VWA3B: variants seen among roughly 807,000 people sequenced by gnomAD.
The protein encoded by VWA3B is von Willebrand factor A domain-containing protein 3B.
Under a neutral mutation model 158.3 loss-of-function variants are expected in VWA3B, and 138 were observed. The observed-to-expected ratio is 0.87, with a 90% CI of 0.76 to 1.00. VWA3B has a LOEUF of 1.00. VWA3B is among the 50% of genes least tolerant of loss of function. VWA3B has a pLI of 0.00. For synonymous variants in VWA3B, 596 were observed against 587.3 expected (o/e 1.01, Z -0.21); for missense variants, 1,555 against 1,565.1 (o/e 0.99, Z 0.11).
chr2:98,140,486 C>T (rs1199405669), intron 7 of VWA3B, among the ~76,000 whole-genome samples: 3 of 152,180 alleles, frequency 2.0e-5, no homozygotes, highest in African/African-American at 4.8e-5. Flanking sequence ...TGGCTGGATC[C>T]CTGCCCCTGT....
At chr2:98,308,459 A>G (rs1297555103) in intron 26 of VWA3B, among the ~76,000 whole-genome samples, 1 of 152,116 alleles carries the variant, frequency 6.6e-6, no homozygotes, top group African/African-American at 2.4e-5. Flanking sequence ...TTGAGAACAT[A>G]TGTGTAGTTT....
At chr2:98,110,517 T>C (rs1399264931) in intron 2 of VWA3B, among the ~76,000 whole-genome samples, 1 of 152,238 alleles carries the variant, frequency 6.6e-6, no homozygotes, top group African/African-American at 2.4e-5. Context: ...TTGTCAGTTG[T>C]CTTTTTTTAT....
intron 21 of VWA3B, among the ~76,000 whole-genome samples, chr2:98,258,777 T>C (rs1687307783): frequency 6.6e-6 from 1 of 151,868 alleles, no homozygotes; most frequent in South Asian, 2.1e-4. Flanking sequence ...CATCTGCAAG[T>C]AGAAATAATT....
chr2:98,266,259 A>C (rs988169995), intron 21 of VWA3B, among the ~76,000 whole-genome samples: 1 of 152,090 alleles, frequency 6.6e-6, no homozygotes, highest in African/African-American at 2.4e-5. Context: ...AGCTTTCTAC[A>C]TATGGCTTAG....
intron 12 of VWA3B, among the ~76,000 whole-genome samples, chr2:98,209,319 C>T (rs748365678): frequency 3.3e-5 from 5 of 152,130 alleles, no homozygotes; most frequent in Non-Finnish European, 7.4e-5. Context: ...CTTGTACTGT[C>T]GCCCAGGCTA....
In VWA3B at chr2:98,168,362, CT is replaced by C. The variant is rs1168167959; in HGVS notation, c.1114+5387del. Among the ~76,000 whole-genome samples, 7 of 133,480 alleles carry C rather than the reference CT, an allele frequency of 5.2e-5. No individual in the cohort carries two copies. In the East Asian group the frequency reaches 1.6e-3, roughly 30 times the overall value. 87.6% of individuals were successfully genotyped at this position (133,480 alleles called of 152,430 possible). On this transcript the variant is annotated intron_variant, in intron 8 of 27. Transcript: ENST00000477737. ...ATGTATCAGTTCCCTTTGTTTCAAT[CT>C]AATACACACACATACACACACACAC...
In VWA3B at chr2:98,093,151, G is replaced by T. The variant is rs767894805; in HGVS notation, c.59G>T (p.Gly20Val). Residue 20 changes from glycine to valine, a missense_variant, in exon 2 of 28, where the codon GGA becomes GTA. By Grantham distance (109) the Gly-to-Val change is moderately radical. Transcript: ENST00000477737. The part of the protein sequence containing the change: ...ISEQQLQRQE[G>V]WINTKTDLAE... ...GAGCAGCAGCTGCAGAGGCAAGAGGGATGGATTAACACCAAAACAGACTTG... is the reference window on the plus strand; with the variant it reads ...GAGCAGCAGCTGCAGAGGCAAGAGGTATGGATTAACACCAAAACAGACTTG... 2.4e-5 allele frequency: 39 copies of T among 1,613,984 alleles called. No homozygotes were observed. Among genetic ancestry groups the T allele is most frequent in the Middle Eastern group, 3.3e-4 (2 of 6,084 alleles).
chr2:98,284,806 A>G (rs1260091634), intron 22 of VWA3B, among the ~76,000 whole-genome samples: 1 of 152,216 alleles, frequency 6.6e-6, no homozygotes, highest in Non-Finnish European at 1.5e-5. Flanking sequence ...AAGAATTATA[A>G]TAAGTTTATG....
intron 5 of VWA3B, among the ~76,000 whole-genome samples, chr2:98,123,172 T>C (rs576233469): frequency 6.3e-4 from 96 of 152,340 alleles, no homozygotes; most frequent in Non-Finnish European, 7.5e-4. Context: ...TCTGAATTCA[T>C]CCAGATGGCT....
At position 98,119,766 on chromosome 2, in the gene VWA3B, G is replaced by C. The variant is rs1674812449; in HGVS notation, c.542+3G>C. On this transcript the variant is annotated splice_donor_region_variant and intron_variant, in intron 4 of 27. Coordinates refer to ENST00000477737, the MANE Select transcript of VWA3B (RefSeq NM_144992.5). ...ATAACCGAGTTCAATATCATACGGT[G>C]AGTTCCCATAGGAAGGGAGTATTTT... The C allele has an allele frequency of 6.2e-7, 1 of 1,613,052 alleles. No homozygotes were observed. Among genetic ancestry groups the C allele is most frequent in the African/African-American group, 1.3e-5 (1 of 75,026 alleles).
At chr2:98,165,167 A>G (rs1434944260) in intron 8 of VWA3B, among the ~76,000 whole-genome samples, 1 of 152,214 alleles carries the variant, frequency 6.6e-6, no homozygotes, top group Non-Finnish European at 1.5e-5. Context: ...CACCTGGTGG[A>G]CGCACATACC....
intron 13 of VWA3B, among the ~76,000 whole-genome samples, chr2:98,215,809 C>T (rs894950231): frequency 6.6e-6 from 1 of 152,182 alleles, no homozygotes; most frequent in African/African-American, 2.4e-5. Flanking sequence ...AGCCACCGCG[C>T]CCAGCCAATT....
At chr2:98,105,272 A>G (rs1683357111) in intron 2 of VWA3B, among the ~76,000 whole-genome samples, 1 of 152,192 alleles carries the variant, frequency 6.6e-6, no homozygotes, top group Non-Finnish European at 1.5e-5. Flanking sequence ...ATCCATTTGT[A>G]CATCCATACT....
At chr2:98,216,544 G>A (rs1684003545) in intron 13 of VWA3B, among the ~76,000 whole-genome samples, 1 of 152,236 alleles carries the variant, frequency 6.6e-6, no homozygotes, top group Admixed American at 6.5e-5. Context: ...GGAGGAGATG[G>A]AATCTCGGCC....
At chr2:98,297,127 G>T (rs368093024) in intron 23 of VWA3B, among the ~76,000 whole-genome samples, 12 of 151,416 alleles carry the variant, frequency 7.9e-5, no homozygotes, top group African/African-American at 2.9e-4. Flanking sequence ...TGTCGCCCAG[G>T]CTGGAGTGCA....
chr2:98,266,024 G>T (rs1339389133), intron 21 of VWA3B, among the ~76,000 whole-genome samples: 2 of 146,780 alleles, frequency 1.4e-5, no homozygotes, highest in Admixed American at 1.3e-4. Context: ...AGTTTCTTTT[G>T]CTGTGCAGAA....
intron 14 of VWA3B, among the ~76,000 whole-genome samples, chr2:98,220,733 A>G (rs1684422198): frequency 6.6e-6 from 1 of 152,246 alleles, no homozygotes; most frequent in African/African-American, 2.4e-5. Context: ...ATGCCCATCA[A>G]TGATAGACTG....
At chr2:98,088,911 G>T (rs1401081977) in intron 1 of VWA3B, among the ~76,000 whole-genome samples, 1 of 151,912 alleles carries the variant, frequency 6.6e-6, no homozygotes, top group Non-Finnish European at 1.5e-5. Flanking sequence ...GTGTTACCAT[G>T]CCCGGCTAAT....
At chr2:98,115,854 G>C in intron 3 of VWA3B, 108 bp downstream of exon 3, 3 of 872,562 alleles carry the variant, frequency 3.4e-6, no homozygotes, top group Non-Finnish European at 5.4e-6. Flanking sequence ...ATGCAGCTGA[G>C]CCAAGCCCTT....
Sources: allele counts gnomAD v4.1 joint callset (sites outside exome capture counted in the v4.1 genomes callset), GRCh38; gene constraint gnomAD v4.1.1; transcripts MANE v1.5; gene names NCBI Gene and HGNC (gene_info 2026-07-23, HGNC 2026-07-21).